SMG1: variants seen among roughly 807,000 people sequenced by gnomAD.
The protein encoded by SMG1 is serine/threonine-protein kinase SMG1.
Under a neutral mutation model 419.9 loss-of-function variants are expected in SMG1, and 22 were observed. The observed-to-expected ratio is 0.05, with a 90% CI of 0.04 to 0.07. The LOEUF is 0.07. Among genes scored for constraint, SMG1 ranks in the 10% least tolerant of loss-of-function variants. The probability of loss-of-function intolerance (pLI) is 1.00; values close to 1 mark genes in which losing one functional copy is unlikely to be tolerated. For missense variants in SMG1, 3,185 were observed against 4,342.0 expected (o/e 0.73, Z 7.49); for synonymous variants, 1,538 against 1,553.5 (o/e 0.99, Z 0.23).
chr16:18,897,335 A>C (rs58148144), intron 1 of SMG1, among the ~76,000 whole-genome samples: 32 of 152,268 alleles, frequency 2.1e-4, no homozygotes, highest in African/African-American at 7.5e-4. Flanking sequence ...ATTCTTTCTA[A>C]ATTCTCCCCC....
intron 60 of SMG1, 27 bp from the exon 61 acceptor site, chr16:18,812,154 T>C (rs1211565355): frequency 1.3e-6 from 2 of 1,599,550 alleles, no homozygotes; most frequent in African/African-American, 2.7e-5. Context: ...GGTGGCTCAA[T>C]TTACATGTAA....
In SMG1 at chr16:18,827,844, GTATATATATACC is replaced by G. The variant is rs539955219; in HGVS notation, c.9741+175_9741+186del. On this transcript the variant is annotated intron_variant, in intron 55 of 62. Coordinates refer to ENST00000446231, the MANE Select transcript of SMG1 (RefSeq NM_015092.5). Reference sequence around the variant, plus strand: ...AAGTATATGTTTTTATATATCTTTGGTATATATATACCTATATATATATATATATGTATAAAT... The same window carrying G: ...AAGTATATGTTTTTATATATCTTTGGTATATATATATATATATGTATAAAT... Among the ~76,000 whole-genome samples, 252 of 95,068 alleles carry G rather than the reference GTATATATATACC, an allele frequency of 2.7e-3. 2 individuals are homozygous for G. The highest frequency in any genetic ancestry group is 6.7e-3 in the African/African-American group (233 of 34,752). 62.4% of individuals were successfully genotyped at this position (95,068 alleles called of 152,430 possible).
At chr16:18,827,293 G>A (rs1175733983) in intron 55 of SMG1, among the ~76,000 whole-genome samples, 1 of 151,710 alleles carries the variant, frequency 6.6e-6, no homozygotes, top group African/African-American at 2.4e-5. Context: ...GGACATGGTG[G>A]TGCGTGCCTG....
intron 29 of SMG1, 75 bp from the exon 30 acceptor site, chr16:18,854,979 A>G: frequency 7.1e-7 from 1 of 1,417,912 alleles, no homozygotes; most frequent in Non-Finnish European, 9.6e-7. Flanking sequence ...CCAAAAAATT[A>G]TTCCCCAACT....
rs2141356156 is a variant in SMG1 at position 18,847,876 on chromosome 16, C to A, written c.5781G>T (p.Gln1927His). The A allele has an allele frequency of 6.2e-7, 1 of 1,613,996 alleles. No homozygotes were observed. Among genetic ancestry groups the A allele is most frequent in the East Asian group, 2.2e-5 (1 of 44,890 alleles). The change falls in exon 37 of 63, where the codon CAG becomes CAT. Residue 1927 changes from glutamine to histidine, a missense_variant. By Grantham distance (24) the Gln-to-His change is conservative. Coordinates refer to ENST00000446231, the MANE Select transcript of SMG1 (RefSeq NM_015092.5). ...TATCTACAATTTTGCTGTAACAATC[C>A]TGCATCATGGCTTGGTCTTCATTTA... Reference protein sequence around the residue: ...SGLNEDQAMMQDCYSKIVDKL... With the variant: ...SGLNEDQAMMHDCYSKIVDKL...
rs781639847 is a variant in SMG1 at position 18,842,202 on chromosome 16, T to G, written c.6466+6A>C. 2.5e-6 allele frequency: 4 copies of G among 1,609,742 alleles called. No individual in the cohort carries two copies. In the African/African-American group the frequency reaches 5.3e-5, roughly 21 times the overall value. ...TCTGAAAAATGGAGGAAGTCTTAAA[T>G]CCTACCTTTGAAAAGATAAGGATAG... On this transcript the variant is annotated splice_donor_region_variant and intron_variant, in intron 40 of 62. Coordinates refer to ENST00000446231, the MANE Select transcript of SMG1 (RefSeq NM_015092.5).
intron 45 of SMG1, 46 bp downstream of exon 45, chr16:18,837,968 T>C: frequency 1.3e-6 from 2 of 1,581,666 alleles, no homozygotes; most frequent in Non-Finnish European, 8.6e-7. Context: ...ATGTTTACTC[T>C]ATTAATAAAA....
In SMG1 at chr16:18,840,996, G is replaced by A. The variant is rs988644477; in HGVS notation, c.6696+569C>T. Among the ~76,000 whole-genome samples, 3 of 152,066 alleles carry A rather than the reference G, an allele frequency of 2.0e-5. No individual in the cohort carries two copies. In the South Asian group the frequency reaches 6.2e-4, roughly 32 times the overall value. ...GAATACTTGAGCCCAGGAGTTCAAG[G>A]CTGCAATGAGCTATGATCATACCAC... On this transcript the variant is annotated intron_variant, in intron 41 of 62. Transcript: ENST00000446231.
At chr16:18,885,329 A>C in intron 7 of SMG1, 167 bp from the exon 8 acceptor site, 1 of 680,394 alleles carries the variant, frequency 1.5e-6, no homozygotes. Context: ...AAAGAACTAC[A>C]TTTCTGACAA....
At chr16:18,840,284 A>G (rs2033839437) in intron 41 of SMG1, among the ~76,000 whole-genome samples, 2 of 152,252 alleles carry the variant, frequency 1.3e-5, no homozygotes, top group Non-Finnish European at 1.5e-5. Context: ...ATTTATGCAC[A>G]TACTTCATTC....
At chr16:18,837,465 A>G (rs1343747938) in intron 45 of SMG1, 22 bp from the exon 46 acceptor site, 17 of 1,600,010 alleles carry the variant, frequency 1.1e-5, no homozygotes, top group Non-Finnish European at 1.5e-5. Flanking sequence ...TATTACGATT[A>G]AGAAGACTCT....
chr16:18,819,444 G>A lies in SMG1; in HGVS notation c.9894+58C>T, dbSNP rs898430601. On this transcript the variant is annotated intron_variant, in intron 56 of 62. Coordinates refer to ENST00000446231, the MANE Select transcript of SMG1 (RefSeq NM_015092.5). ...CTAGTTACCCCACATATAACTTCCA[G>A]CTACTCATCTAATCCTGTAAAAGTG... 10 of 1,561,006 alleles carry A rather than the reference G, an allele frequency of 6.4e-6. No individual in the cohort carries two copies. In the Admixed American group the frequency reaches 1.3e-4, roughly 20 times the overall value.
At chr16:18,919,864 A>G (rs754069361) in intron 1 of SMG1, among the ~76,000 whole-genome samples, 1 of 151,884 alleles carries the variant, frequency 6.6e-6, no homozygotes, top group Non-Finnish European at 1.5e-5. Context: ...CACTCTGAGA[A>G]GCCGAGGTGG....
At position 18,806,108 on chromosome 16, in the gene SMG1, C is replaced by G. The variant is rs2030809360; in HGVS notation, c.*3461G>C. The G allele has an allele frequency of 6.6e-6, 1 of 152,548 alleles. No individual in the cohort carries two copies. The highest frequency in any genetic ancestry group is 1.5e-5 in the Non-Finnish European group (1 of 68,014). 9.4% of individuals were successfully genotyped at this position (152,548 alleles called of 1,614,324 possible). The stretch of plus-strand genomic sequence containing the variant: ...TTAAAAAGGACCGAAGATTGCACAT[C>G]AAGTCTAATATTTGGCTGTACTTGC... On this transcript the variant is annotated 3_prime_UTR_variant, in exon 63 of 63. Coordinates refer to ENST00000446231, the MANE Select transcript of SMG1 (RefSeq NM_015092.5).
intron 25 of SMG1, among the ~76,000 whole-genome samples, chr16:18,863,259 G>A (rs922301636): frequency 6.6e-6 from 1 of 152,226 alleles, no homozygotes; most frequent in Non-Finnish European, 1.5e-5. Flanking sequence ...TTAATTTACA[G>A]ATGTTCACAA....
intron 56 of SMG1, among the ~76,000 whole-genome samples, chr16:18,818,418 A>C (rs1301472908): frequency 6.6e-6 from 1 of 151,642 alleles, no homozygotes; most frequent in Non-Finnish European, 1.5e-5. Flanking sequence ...TTTTTGGTAG[A>C]GACAGTGTCT....
At chr16:18,901,126 C>G (rs2037329657) in intron 1 of SMG1, among the ~76,000 whole-genome samples, 1 of 152,194 alleles carries the variant, frequency 6.6e-6, no homozygotes, top group Non-Finnish European at 1.5e-5. Flanking sequence ...TTTTGCAATA[C>G]TGAAATATTA....
At chr16:18,843,519 G>T (rs1015633333) in intron 39 of SMG1, among the ~76,000 whole-genome samples, 1 of 152,086 alleles carries the variant, frequency 6.6e-6, no homozygotes, top group Non-Finnish European at 1.5e-5. Flanking sequence ...TTTTTAGCAA[G>T]CTCTGTTCAT....
At chr16:18,870,401 T>C (rs1596558380) in intron 18 of SMG1, among the ~76,000 whole-genome samples, 1 of 152,356 alleles carries the variant, frequency 6.6e-6, no homozygotes, top group Middle Eastern at 3.4e-3. Flanking sequence ...TACTAATTAT[T>C]GTGAGCCTAT....
Sources: allele counts gnomAD v4.1 joint callset (sites outside exome capture counted in the v4.1 genomes callset), GRCh38; gene constraint gnomAD v4.1.1; transcripts MANE v1.5; gene names NCBI Gene and HGNC (gene_info 2026-07-23, HGNC 2026-07-21).